The following BCL2 variants were observed in gnomAD, a reference collection of about 807,000 sequenced individuals.
BCL2 encodes the protein BCL2 apoptosis regulator, also known as apoptosis regulator Bcl-2.
A neutral mutation model predicts 14.2 loss-of-function variants in BCL2; 1 was observed. The observed-to-expected ratio is 0.07, with a 90% CI of 0.02 to 0.33. The LOEUF (loss-of-function observed/expected upper bound fraction) is 0.33, where lower values mean the gene tolerates loss of function less well. Among genes scored for constraint, BCL2 ranks in the 10% least tolerant of loss-of-function variants. The pLI is 0.99. For synonymous variants in BCL2, 151 were observed against 137.2 expected (o/e 1.10, Z -0.70); for missense variants, 247 against 305.9 (o/e 0.81, Z 1.44).
Position 63,187,402 on chromosome 18 carries a change from A to C in BCL2, c.586-58643T>G, listed in dbSNP as rs374178668. Among the ~76,000 whole-genome samples, 11 of 152,082 alleles carry C rather than the reference A, an allele frequency of 7.2e-5. No homozygotes were observed. The East Asian group carries it at 1.5e-3, about 21-fold the overall frequency. The stretch of plus-strand genomic sequence containing the variant: ...GTACAGATGTACTGTGTGCCCTTTT[A>C]TCTCTCCCTTATGCACATGCCGTTC... On this transcript the variant is annotated intron_variant, in intron 2 of 2. Coordinates refer to ENST00000333681, the MANE Select transcript of BCL2 (RefSeq NM_000633.3).
chr18:63,194,875 G>A (rs912755257), intron 2 of BCL2, among the ~76,000 whole-genome samples: 115 of 152,320 alleles, frequency 7.5e-4, no homozygotes, highest in African/African-American at 2.6e-3. Flanking sequence ...GGCTTGCCTT[G>A]GACTCAGCTT....
intron 2 of BCL2, among the ~76,000 whole-genome samples, chr18:63,254,885 C>T (rs1006589076): frequency 1.6e-4 from 25 of 152,162 alleles, no homozygotes; most frequent in African/African-American, 5.6e-4. Context: ...AAGACAGTGA[C>T]ATATGAGGTC....
rs1307668736 is a variant in BCL2, at chr18:63,169,377, T to TTC, written c.586-40620_586-40619dup. On this transcript the variant is annotated intron_variant, in intron 2 of 2. Coordinates refer to ENST00000333681, the MANE Select transcript of BCL2 (RefSeq NM_000633.3). The stretch of plus-strand genomic sequence containing the variant: ...TCTTTCTTTCTTTCTTTCTCTTTCT[T>TTC]TCTTTCTTTCTTTTTCTTTCTTTCT... 2.8e-4 allele frequency among the ~76,000 whole-genome samples: 33 copies of TTC among 119,596 alleles called. 2 individuals carry two copies. The East Asian group carries it at 7.5e-3, about 27-fold the overall frequency. 78.5% of individuals were successfully genotyped at this position (119,596 alleles called of 152,430 possible). A position where few individuals can be genotyped will look rare whatever the true frequency, so the allele number is the denominator to read the frequency against.
chr18:63,290,041 G>C (rs73963751), intron 2 of BCL2, among the ~76,000 whole-genome samples: 3,993 of 152,250 alleles, frequency 0.026, 152 homozygotes, highest in African/African-American at 0.092. Context: ...GGGAGGAATG[G>C]AGGGCAGTGA....
intron 2 of BCL2, among the ~76,000 whole-genome samples, chr18:63,212,762 G>A (rs966311699): frequency 6.6e-6 from 1 of 152,048 alleles, no homozygotes; most frequent in Non-Finnish European, 1.5e-5. Context: ...TGTAGTCCCA[G>A]TTACTCAGGA....
At chr18:63,194,286 C>T (rs1341742441) in intron 2 of BCL2, among the ~76,000 whole-genome samples, 1 of 151,672 alleles carries the variant, frequency 6.6e-6, no homozygotes, top group Non-Finnish European at 1.5e-5. Flanking sequence ...AATATCTTAG[C>T]AGAATTATTG....
At chr18:63,225,315 A>G (rs1018540624) in intron 2 of BCL2, among the ~76,000 whole-genome samples, 2 of 152,228 alleles carry the variant, frequency 1.3e-5, no homozygotes, top group African/African-American at 4.8e-5. Flanking sequence ...TGTGGATATG[A>G]TCATATCAGA....
chr18:63,134,999 G>A (rs1372693855), intron 2 of BCL2, among the ~76,000 whole-genome samples: 2 of 152,196 alleles, frequency 1.3e-5, no homozygotes, highest in African/African-American at 2.4e-5. Flanking sequence ...TGGGCTGGAA[G>A]GAACCTCAAA....
chr18:63,253,909 C>CTT (rs34470267), intron 2 of BCL2, among the ~76,000 whole-genome samples: 3,804 of 144,672 alleles, frequency 0.026, 67 homozygotes, highest in Middle Eastern at 0.04. Flanking sequence ...TGAATGTTGT[C>CTT]TTTTTTTTTT....
intron 2 of BCL2, among the ~76,000 whole-genome samples, chr18:63,199,953 C>T (rs1909643831): frequency 6.6e-6 from 1 of 151,842 alleles, no homozygotes; most frequent in African/African-American, 2.4e-5. Context: ...CACACACGCA[C>T]ACACACACAC....
chr18:63,282,903 G>T (rs1912355656), intron 2 of BCL2, among the ~76,000 whole-genome samples: 2 of 152,094 alleles, frequency 1.3e-5, no homozygotes, highest in African/African-American at 4.8e-5. Context: ...ATTCCATTTT[G>T]TAAATTACTG....
chr18:63,137,032 G>C (rs1914225744), intron 2 of BCL2, among the ~76,000 whole-genome samples: 3 of 152,184 alleles, frequency 2.0e-5, no homozygotes, highest in African/African-American at 7.2e-5. Context: ...CTCTGCCTCT[G>C]TCTGAGTCTT....
At chr18:63,210,466 T>C (rs189784042) in intron 2 of BCL2, among the ~76,000 whole-genome samples, 1 of 152,352 alleles carries the variant, frequency 6.6e-6, no homozygotes, top group Admixed American at 6.5e-5. Context: ...TCCCATATTA[T>C]ACTTTCCAAG....
At chr18:63,209,095 C>G (rs1181223212) in intron 2 of BCL2, among the ~76,000 whole-genome samples, 1 of 152,160 alleles carries the variant, frequency 6.6e-6, no homozygotes, top group South Asian at 2.1e-4. Flanking sequence ...GGCTATAGGT[C>G]CCTTTGGGGA....
At chr18:63,187,455 A>T (rs775830968) in intron 2 of BCL2, among the ~76,000 whole-genome samples, 10 of 152,116 alleles carry the variant, frequency 6.6e-5, no homozygotes, top group Non-Finnish European at 1.2e-4. Flanking sequence ...GGGCACCTCT[A>T]CCTCTATGAT....
chr18:63,230,788 T>C (rs559286707), intron 2 of BCL2, among the ~76,000 whole-genome samples: 4 of 151,962 alleles, frequency 2.6e-5, no homozygotes, highest in African/African-American at 9.6e-5. Context: ...GAACAAAGAA[T>C]CCTGAATGTA....
chr18:63,242,485 T>C (rs751089502), intron 2 of BCL2, among the ~76,000 whole-genome samples: 3 of 152,232 alleles, frequency 2.0e-5, no homozygotes, highest in African/African-American at 2.4e-5. Context: ...ATTCTGAGTA[T>C]AGCGTAGGTG....
At chr18:63,156,139 AG>A (rs757683130) in intron 2 of BCL2, among the ~76,000 whole-genome samples, 29 of 132,424 alleles carry the variant, frequency 2.2e-4, no homozygotes, top group South Asian at 8.0e-4. Flanking sequence ...CTGGCAGGGG[AG>A]GGGGGTGTTC....
intron 2 of BCL2, among the ~76,000 whole-genome samples, chr18:63,271,782 G>A (rs182206483): frequency 1.3e-5 from 2 of 152,296 alleles, no homozygotes; most frequent in Admixed American, 6.5e-5. Context: ...TCATCTTGGG[G>A]TCTAATGTAA....
Sources: allele counts gnomAD v4.1 joint callset (sites outside exome capture counted in the v4.1 genomes callset), GRCh38; gene constraint gnomAD v4.1.1; transcripts MANE v1.5; gene names NCBI Gene and HGNC (gene_info 2026-07-23, HGNC 2026-07-21).